Variants in ERBB4 observed in about 807,000 individuals in gnomAD.
The protein encoded by ERBB4 is receptor tyrosine-protein kinase erbB-4.
In ERBB4, 42 loss-of-function variants were observed where a neutral mutation model predicts 158.0. The observed-to-expected ratio is 0.27, with a 90% CI of 0.21 to 0.34. The LOEUF (loss-of-function observed/expected upper bound fraction) is 0.34. ERBB4 is among the 10% of genes least tolerant of loss of function. ERBB4 has a pLI of 1.00. For synonymous variants in ERBB4, 583 were observed against 558.7 expected (o/e 1.04, Z -0.61); for missense variants, 1,333 against 1,624.1 (o/e 0.82, Z 3.08).
At chr2:212,279,377 C>A (rs1403789488) in intron 1 of ERBB4, among the ~76,000 whole-genome samples, 2 of 151,490 alleles carry the variant, frequency 1.3e-5, no homozygotes, top group Non-Finnish European at 3.0e-5. Context: ...TAGAACGCTG[C>A]TGATTTCTAT....
intron 2 of ERBB4, among the ~76,000 whole-genome samples, chr2:212,072,731 T>C (rs1287184894): frequency 6.6e-6 from 1 of 151,970 alleles, no homozygotes; most frequent in Non-Finnish European, 1.5e-5. Context: ...TTTAAATCAA[T>C]AGATATTTAG....
chr2:212,474,821 T>TC (rs1289670334), intron 1 of ERBB4, among the ~76,000 whole-genome samples: 5 of 123,902 alleles, frequency 4.0e-5, no homozygotes, highest in African/African-American at 2.0e-4. Flanking sequence ...ACCCGGCCAT[T>TC]CTTTTTTTTT....
At chr2:211,627,450 T>G (rs2069904311) in intron 17 of ERBB4, among the ~76,000 whole-genome samples, 1 of 152,240 alleles carries the variant, frequency 6.6e-6, no homozygotes, top group African/African-American at 2.4e-5. Context: ...GACAGCTCAT[T>G]CCAATTGCAG....
intron 4 of ERBB4, among the ~76,000 whole-genome samples, chr2:211,772,357 C>G (rs1258348634): frequency 6.6e-6 from 1 of 151,998 alleles, no homozygotes; most frequent in African/African-American, 2.4e-5. Context: ...TAAAACTTGT[C>G]TAAGGGATCC....
intron 2 of ERBB4, among the ~76,000 whole-genome samples, chr2:211,979,975 T>C (rs556368536): frequency 7.9e-4 from 121 of 152,318 alleles, no homozygotes; most frequent in African/African-American, 2.8e-3. Context: ...CTTTAATATA[T>C]GTCTTCAAAT....
chr2:212,253,174 T>C (rs1574525456), intron 1 of ERBB4, among the ~76,000 whole-genome samples: 1 of 152,146 alleles, frequency 6.6e-6, no homozygotes, highest in Non-Finnish European at 1.5e-5. Context: ...TAATCTGTAA[T>C]CGTTCTGGGG....
rs185880652 is a variant in ERBB4 at position 212,462,536 on chromosome 2, T to C, written c.82+75913A>G. Among the ~76,000 whole-genome samples the C allele has an allele frequency of 2.0e-4, 31 of 152,184 alleles. No homozygotes were observed. In the East Asian group the frequency reaches 5.2e-3, roughly 26 times the overall value. ...TCACTACTTATTAGATAAATGGAAA[T>C]CAAAACCCCAATGAGATATCATCAC... On this transcript the variant is annotated intron_variant, in intron 1 of 27. Transcript: ENST00000342788.
chr2:212,125,963 T>G (rs746549156), intron 1 of ERBB4, among the ~76,000 whole-genome samples: 48 of 152,362 alleles, frequency 3.2e-4, no homozygotes, highest in Non-Finnish European at 5.6e-4. Flanking sequence ...TTGAATGGTA[T>G]TTCTGTCTTT....
At position 211,497,650 on chromosome 2, in the gene ERBB4, T is replaced by C. The variant is rs184548549; in HGVS notation, c.2487+64253A>G. The stretch of plus-strand genomic sequence containing the variant: ...TACATTGAGTTTAAGGCAAGAAAAA[T>C]TGACAGGACTTGCTACAAGTGATTG... On this transcript the variant is annotated intron_variant, in intron 20 of 27. Coordinates refer to ENST00000342788, the MANE Select transcript of ERBB4 (RefSeq NM_005235.3). Among the ~76,000 whole-genome samples the C allele has an allele frequency of 4.7e-4, 71 of 152,078 alleles. No homozygotes were observed. The East Asian group carries it at 0.012, about 25-fold the overall frequency.
rs540152486 is a variant in ERBB4 at position 211,882,953 on chromosome 2, G to A, written c.421+64477C>T. ...CACTTTCTACCTTCTCCCTTTACTG[G>A]GTATATACCCAAAGGATGATAAATC... On this transcript the variant is annotated intron_variant, in intron 3 of 27. Coordinates refer to ENST00000342788, the MANE Select transcript of ERBB4 (RefSeq NM_005235.3). Among the ~76,000 whole-genome samples the A allele has an allele frequency of 2.6e-5, 4 of 152,052 alleles. No individual in the cohort carries two copies. In the South Asian group the frequency reaches 8.3e-4, roughly 32 times the overall value.
At chr2:212,508,561 A>C (rs1691322539) in intron 1 of ERBB4, among the ~76,000 whole-genome samples, 1 of 152,090 alleles carries the variant, frequency 6.6e-6, no homozygotes, top group African/African-American at 2.4e-5. Flanking sequence ...CTATATACTT[A>C]TGAAAAACTT....
At chr2:211,799,264 A>G (rs528784723) in intron 3 of ERBB4, among the ~76,000 whole-genome samples, 1 of 152,272 alleles carries the variant, frequency 6.6e-6, no homozygotes, top group East Asian at 1.9e-4. Flanking sequence ...AATTATTTTC[A>G]TATTGTCACA....
intron 20 of ERBB4, among the ~76,000 whole-genome samples, chr2:211,547,424 C>T (rs2066972239): frequency 6.6e-6 from 1 of 152,004 alleles, no homozygotes; most frequent in Non-Finnish European, 1.5e-5. Context: ...AATCTTATCT[C>T]CAGATTACTA....
At chr2:211,513,507 A>G (rs566908326) in intron 20 of ERBB4, among the ~76,000 whole-genome samples, 1 of 152,060 alleles carries the variant, frequency 6.6e-6, no homozygotes, top group South Asian at 2.1e-4. Flanking sequence ...GAAATCCCTA[A>G]TTATTTAGCC....
chr2:211,453,513 G>A (rs1992028), intron 20 of ERBB4, among the ~76,000 whole-genome samples: 20,888 of 152,076 alleles, frequency 0.14, 1,732 homozygotes, highest in South Asian at 0.35. Flanking sequence ...AAGAGAGAAA[G>A]GAAAATGAAA....
At chr2:211,468,179 A>G (rs1476937925) in intron 20 of ERBB4, among the ~76,000 whole-genome samples, 2 of 152,210 alleles carry the variant, frequency 1.3e-5, no homozygotes, top group African/African-American at 4.8e-5. Flanking sequence ...GAAGAGTCAG[A>G]AAAGAAAATA....
chr2:212,519,324 A>AT (rs1418081809), intron 1 of ERBB4, among the ~76,000 whole-genome samples: 1 of 152,074 alleles, frequency 6.6e-6, no homozygotes, highest in Non-Finnish European at 1.5e-5. Flanking sequence ...GTTTTATGTA[A>AT]TATAAATACA....
intron 4 of ERBB4, among the ~76,000 whole-genome samples, chr2:211,753,382 A>G (rs59605575): frequency 0.066 from 10,106 of 152,228 alleles, 917 homozygotes; most frequent in African/African-American, 0.2. Flanking sequence ...TGTATTAAGC[A>G]TGATGTTAAG....
chr2:212,246,246 G>A (rs2084305035), intron 1 of ERBB4, among the ~76,000 whole-genome samples: 1 of 152,170 alleles, frequency 6.6e-6, no homozygotes, highest in Admixed American at 6.5e-5. Context: ...TTTCAGCAAA[G>A]ATGAGAACTG....
Sources: gnomAD v4.1 joint callset for allele counts (sites outside exome capture counted in the v4.1 genomes callset) on GRCh38, gnomAD v4.1.1 for gene constraint, MANE v1.5 for transcripts, NCBI Gene and HGNC (gene_info 2026-07-23, HGNC 2026-07-21) for gene names.